DROSHA: variants seen among roughly 807,000 people sequenced by gnomAD.
DROSHA encodes drosha ribonuclease III, also known as ribonuclease 3.
DROSHA carries 56 observed loss-of-function variants against 181.9 expected under a neutral mutation model. The ratio of observed to expected loss-of-function variants is 0.31; its 90% CI spans 0.25 to 0.38. DROSHA has a LOEUF of 0.38. Ranked by LOEUF, DROSHA falls within the 10% of genes least tolerant of loss-of-function variation. The pLI is 1.00. For synonymous variants in DROSHA, 524 were observed against 591.2 expected (o/e 0.89, Z 1.65); for missense variants, 1,218 against 1,743.5 (o/e 0.70, Z 5.37).
chr5:31,432,223 T>C (rs937094279), intron 25 of DROSHA, among the ~76,000 whole-genome samples: 9 of 151,850 alleles, frequency 5.9e-5, no homozygotes, highest in African/African-American at 1.7e-4. Context: ...CCTCCAACTC[T>C]TGGGTTCAAG....
chr5:31,526,596 C>G lies in DROSHA; in HGVS notation c.337G>C (p.Val113Leu), dbSNP rs776219709. 1 of 1,506,692 alleles carries G rather than the reference C, an allele frequency of 6.6e-7. No individual in the cohort carries two copies. Among genetic ancestry groups the G allele is most frequent in the Non-Finnish European group, 8.8e-7 (1 of 1,132,868 alleles). The allele number at this position is 1,506,692 out of a possible 1,614,324, so 93.3% of individuals were successfully genotyped here. Residue 113 changes from valine (V) to leucine (L), a missense_variant, in exon 5 of 36, where the codon GTT becomes CTT. Around this residue, in one of 8 missense-constraint regions of DROSHA, gnomAD observed 536 missense variants for 535.4 expected, o/e 1.00. Transcript: ENST00000344624. The part of the protein sequence containing the change: ...PNHQMRHPFP[V>L]PPCFPPMPPP... Reference sequence around the variant, plus strand: ...GGCATGGGAGGAAAACAAGGAGGAACTGGGAAGGGGTGCCTCATCTGGTGG... The same window carrying G: ...GGCATGGGAGGAAAACAAGGAGGAAGTGGGAAGGGGTGCCTCATCTGGTGG...
At chr5:31,483,300 G>A (rs147190621) in intron 16 of DROSHA, among the ~76,000 whole-genome samples, 10 of 152,044 alleles carry the variant, frequency 6.6e-5, no homozygotes, top group East Asian at 5.8e-4. Flanking sequence ...TAACACACCC[G>A]CATGATATTT....
intron 35 of DROSHA, 89 bp downstream of exon 35, chr5:31,405,588 A>G: frequency 1.7e-6 from 2 of 1,168,006 alleles, no homozygotes; most frequent in African/African-American, 1.6e-5. Flanking sequence ...CATTTTATCA[A>G]TACTTACCAT....
chr5:31,496,108 T>C (rs148567500), intron 11 of DROSHA, among the ~76,000 whole-genome samples: 66 of 152,260 alleles, frequency 4.3e-4, no homozygotes, highest in African/African-American at 1.5e-3. Context: ...CCAAGAGAGC[T>C]TGTTTGGCCT....
At chr5:31,418,268 A>G (rs531072105) in intron 30 of DROSHA, among the ~76,000 whole-genome samples, 3 of 151,548 alleles carry the variant, frequency 2.0e-5, no homozygotes, top group African/African-American at 7.2e-5. Context: ...AGAGGGAGAC[A>G]GAGAGAGAGA....
At chr5:31,484,122 A>G (rs2150036678) in intron 15 of DROSHA, among the ~76,000 whole-genome samples, 1 of 152,292 alleles carries the variant, frequency 6.6e-6, no homozygotes, top group Non-Finnish European at 1.5e-5. Flanking sequence ...CTGTAATCCC[A>G]GCACTTTGGG....
intron 20 of DROSHA, among the ~76,000 whole-genome samples, chr5:31,454,375 A>G (rs1171858485): frequency 6.6e-6 from 1 of 152,196 alleles, no homozygotes; most frequent in Non-Finnish European, 1.5e-5. Flanking sequence ...GAAAGGCAAA[A>G]GAGAGGAGGC....
At chr5:31,490,026 C>A (rs1477981422) in intron 13 of DROSHA, among the ~76,000 whole-genome samples, 1 of 151,998 alleles carries the variant, frequency 6.6e-6, no homozygotes, top group Non-Finnish European at 1.5e-5. Context: ...CAGGTGCCCG[C>A]CACCACACCC....
intron 16 of DROSHA, among the ~76,000 whole-genome samples, chr5:31,480,431 G>A (rs554030594): frequency 2.1e-4 from 32 of 151,908 alleles, no homozygotes; most frequent in African/African-American, 7.0e-4. Flanking sequence ...TCAGAATAGC[G>A]GTTACCCTTG....
intron 4 of DROSHA, chr5:31,527,509 G>A (rs551737822): frequency 6.5e-6 from 1 of 154,572 alleles, no homozygotes; most frequent in South Asian, 2.0e-4. Context: ...CAGACCGAAT[G>A]TTTGTGTCCA....
rs773033796 is a variant in DROSHA at position 31,493,294 on chromosome 5, C to T, written c.1756-1G>A. The T allele has an allele frequency of 6.3e-7, 1 of 1,592,496 alleles. No homozygotes were observed. The highest frequency in any genetic ancestry group is 8.5e-7 in the Non-Finnish European group (1 of 1,170,770). ...ATTCTATAACAGTTGGCCTGTCAGT[C>T]TAAAAGCAAACAGAAACACGAACCC... On this transcript the variant is annotated splice_acceptor_variant, in intron 12 of 35. Transcript: ENST00000344624. LOFTEE classifies it high-confidence loss of function.
At chr5:31,422,669 T>C (rs1742910553) in intron 29 of DROSHA, 118 bp downstream of exon 29, 1 of 1,311,792 alleles carries the variant, frequency 7.6e-7, no homozygotes, top group Non-Finnish European at 1.0e-6. Context: ...CATCTCACAA[T>C]GTGACTTTCC....
At chr5:31,446,792 C>G (rs1580124452) in intron 23 of DROSHA, among the ~76,000 whole-genome samples, 1 of 152,118 alleles carries the variant, frequency 6.6e-6, no homozygotes, top group Middle Eastern at 3.4e-3. Context: ...GTAATCCCAG[C>G]ACTTTGGGAG....
chr5:31,518,031 T>C (rs576930325), intron 6 of DROSHA, among the ~76,000 whole-genome samples: 1 of 152,346 alleles, frequency 6.6e-6, no homozygotes, highest in Non-Finnish European at 1.5e-5. Context: ...CCTTAGGTGA[T>C]TTCATCACTG....
chr5:31,526,239 T>C lies in DROSHA; in HGVS notation c.694A>G (p.Arg232Gly), dbSNP rs181678202. The C allele has an allele frequency of 6.2e-7, 1 of 1,613,876 alleles. No individual in the cohort carries two copies. Among genetic ancestry groups the C allele is most frequent in the Admixed American group, 1.7e-5 (1 of 60,022 alleles). ...PERLKHYDDHRHRDHSHGRGE... is the reference protein window; with the variant it reads ...PERLKHYDDHGHRDHSHGRGE... ...CGCCCATGACTGTGATCTCGGTGCC[T>C]GTGGTCATCATAGTGTTTCAGCCTT... is the stretch of plus-strand genomic sequence containing the variant. The change falls in exon 5 of 36, where the codon AGG becomes GGG. Residue 232 changes from arginine to glycine, a missense_variant. Arg to Gly is a moderately radical substitution (Grantham distance 125). Around this residue, in one of 8 missense-constraint regions of DROSHA, gnomAD observed 536 missense variants for 535.4 expected, o/e 1.00. Transcript: ENST00000344624.
At chr5:31,446,446 CAAA>C (rs60001713) in intron 23 of DROSHA, among the ~76,000 whole-genome samples, 8,417 of 59,080 alleles carry the variant, frequency 0.14, 589 homozygotes, top group African/African-American at 0.39. Context: ...GACTCTGTCT[CAAA>C]AAAAAAAAAA....
chr5:31,511,148 C>T lies in DROSHA; in HGVS notation c.1319G>A (p.Arg440Lys). The change falls in exon 9 of 36, where the codon AGG (arginine) becomes AAG (lysine). Residue 440 changes from arginine (R) to lysine (K), a missense_variant. By Grantham distance (26) the Arg-to-Lys change is conservative. Coordinates refer to ENST00000344624, the MANE Select transcript of DROSHA (RefSeq NM_001382508.1). The part of the protein sequence containing the change: ...VGDSTVVGTS[R>K]LRDLYDKFEE... ...AAATTTGTCATATAAGTCACGAAGC[C>T]TACTCGTTCCAACCACTGTAGAATC... 1 of 1,613,840 alleles carries T rather than the reference C, an allele frequency of 6.2e-7. No homozygotes were observed. The highest frequency in any genetic ancestry group is 8.5e-7 in the Non-Finnish European group (1 of 1,179,838).
rs992298722 is a variant in DROSHA, at chr5:31,400,564, T to A, written c.*868A>T. 21 of 152,258 alleles carry A rather than the reference T, an allele frequency of 1.4e-4. No homozygotes were observed. The highest frequency in any genetic ancestry group is 3.6e-4 in the African/African-American group (15 of 41,468). 9.4% of individuals were successfully genotyped at this position (152,258 alleles called of 1,614,324 possible). On this transcript the variant is annotated 3_prime_UTR_variant, in exon 36 of 36. Coordinates refer to ENST00000344624, the MANE Select transcript of DROSHA (RefSeq NM_001382508.1). Reference sequence around the variant, plus strand: ...ATGTTTAGTTTGGAATAACTTTTTTTAAAATGTTATGTCTTTGAATGTCAT... The same window carrying A: ...ATGTTTAGTTTGGAATAACTTTTTTAAAAATGTTATGTCTTTGAATGTCAT...
At chr5:31,427,685 C>T (rs1318422676) in intron 27 of DROSHA, among the ~76,000 whole-genome samples, 1 of 152,212 alleles carries the variant, frequency 6.6e-6, no homozygotes, top group African/African-American at 2.4e-5. Context: ...CCAGGCCTCA[C>T]AAAGGATGTC....
Sources: allele counts gnomAD v4.1 joint callset (sites outside exome capture counted in the v4.1 genomes callset), GRCh38; gene constraint gnomAD v4.1.1; regional missense constraint gnomAD v4.1.1; transcripts MANE v1.5; gene names NCBI Gene and HGNC (gene_info 2026-07-23, HGNC 2026-07-21).